Variants in FOXN3 observed in about 807,000 individuals in gnomAD.
FOXN3 encodes forkhead box protein N3.
FOXN3 carries 7 observed loss-of-function variants against 38.4 expected under a neutral mutation model. The ratio of observed to expected loss-of-function variants is 0.18; its 90% confidence interval spans 0.10 to 0.34. The LOEUF (loss-of-function observed/expected upper bound fraction) is 0.34. Among genes scored for constraint, FOXN3 ranks in the 10% least tolerant of loss-of-function variants. The pLI is 1.00. For missense variants in FOXN3, 456 were observed against 613.4 expected, an observed-to-expected ratio of 0.74 and a Z score of 2.71; for synonymous variants, 230 against 242.2, an observed-to-expected ratio of 0.95 and a Z score of 0.47.
chr14:89,592,613 T>C (rs1895980682), intron 1 of FOXN3, among the ~76,000 whole-genome samples: 1 of 152,212 alleles, frequency 6.6e-6, no homozygotes, highest in South Asian at 2.1e-4. Flanking sequence ...AAACTTATTT[T>C]CAACCTATAA....
intron 4 of FOXN3, among the ~76,000 whole-genome samples, chr14:89,264,313 A>G (rs759610008): frequency 3.9e-5 from 6 of 152,208 alleles, no homozygotes; most frequent in Non-Finnish European, 7.3e-5. Flanking sequence ...GACACATCTT[A>G]CATGGCAGCA....
chr14:89,573,197 C>T lies in FOXN3; in HGVS notation c.-15+45831G>A, dbSNP rs1256657053. On this transcript the variant is annotated intron_variant, in intron 1 of 6. Transcript: ENST00000345097. Reference sequence around the variant, plus strand: ...ATCCAGCCCCGATTAGATCAGCCGCCGTGGGAAAGGTGCTGAGCCAGAGAT... The same window carrying T: ...ATCCAGCCCCGATTAGATCAGCCGCTGTGGGAAAGGTGCTGAGCCAGAGAT... 7.2e-5 allele frequency among the ~76,000 whole-genome samples: 11 copies of T among 152,244 alleles called. No homozygotes were observed. In the East Asian group the frequency reaches 1.3e-3, roughly 19 times the overall value.
At chr14:89,251,277 C>T (rs1000706455) in intron 4 of FOXN3, among the ~76,000 whole-genome samples, 4 of 152,136 alleles carry the variant, frequency 2.6e-5, no homozygotes, top group African/African-American at 7.2e-5. Context: ...AGTACTGTCC[C>T]GGAATTCACC....
intron 3 of FOXN3, among the ~76,000 whole-genome samples, chr14:89,296,134 A>G (rs576126077): frequency 6.6e-6 from 1 of 152,166 alleles, no homozygotes; most frequent in Admixed American, 6.5e-5. Flanking sequence ...ATACATGCAT[A>G]TTTTTTATAA....
intron 5 of FOXN3, among the ~76,000 whole-genome samples, chr14:89,168,777 G>A (rs957227647): frequency 1.3e-5 from 2 of 152,008 alleles, no homozygotes; most frequent in Non-Finnish European, 2.9e-5. Context: ...CGTCCCATGC[G>A]GGATAAAAAA....
intron 3 of FOXN3, among the ~76,000 whole-genome samples, chr14:89,309,501 G>A (rs1887469750): frequency 6.6e-6 from 1 of 152,172 alleles, no homozygotes; most frequent in Non-Finnish European, 1.5e-5. Flanking sequence ...AAAAGTCTGT[G>A]CTTTAAGCAA....
intron 4 of FOXN3, among the ~76,000 whole-genome samples, chr14:89,233,332 T>C (rs188604624): frequency 9.1e-4 from 138 of 152,262 alleles, no homozygotes; most frequent in African/African-American, 3.1e-3. Context: ...AGGCAAAAAG[T>C]GGTAACTTGG....
intron 1 of FOXN3, among the ~76,000 whole-genome samples, chr14:89,618,847 T>C (rs1896543108): frequency 6.6e-6 from 1 of 152,010 alleles, no homozygotes; most frequent in Non-Finnish European, 1.5e-5. Context: ...TGGCTGGATC[T>C]TTCCCATTTG....
intron 1 of FOXN3, among the ~76,000 whole-genome samples, chr14:89,456,410 G>A (rs1892727473): frequency 6.6e-6 from 1 of 152,124 alleles, no homozygotes; most frequent in East Asian, 1.9e-4. Context: ...CTCCAGCAAT[G>A]AGAACAATGC....
At chr14:89,533,526 G>A (rs1458435862) in intron 1 of FOXN3, among the ~76,000 whole-genome samples, 1 of 152,116 alleles carries the variant, frequency 6.6e-6, no homozygotes, top group African/African-American at 2.4e-5. Flanking sequence ...AGCCGGGCAT[G>A]GTGGCGGGGG....
At chr14:89,395,053 G>A (rs1342459505) in intron 2 of FOXN3, among the ~76,000 whole-genome samples, 4 of 152,158 alleles carry the variant, frequency 2.6e-5, no homozygotes, top group Non-Finnish European at 5.9e-5. Context: ...TGGAAATCAC[G>A]CGTTCATGTG....
At chr14:89,293,018 T>C (rs1348446285) in intron 3 of FOXN3, among the ~76,000 whole-genome samples, 1 of 152,216 alleles carries the variant, frequency 6.6e-6, no homozygotes, top group African/African-American at 2.4e-5. Context: ...TAGCTCTCTG[T>C]CCATGCTCGG....
intron 1 of FOXN3, among the ~76,000 whole-genome samples, chr14:89,596,802 C>T (rs1383957544): frequency 6.6e-6 from 1 of 152,030 alleles, no homozygotes; most frequent in African/African-American, 2.4e-5. Context: ...AAATATATTG[C>T]CATAAAGTTT....
intron 4 of FOXN3, among the ~76,000 whole-genome samples, chr14:89,275,352 C>G (rs183676524): frequency 6.6e-6 from 1 of 152,324 alleles, no homozygotes; most frequent in Admixed American, 6.5e-5. Flanking sequence ...AAAATCCATT[C>G]TGACCTATTT....
At chr14:89,423,526 G>A (rs954109778) in intron 1 of FOXN3, among the ~76,000 whole-genome samples, 9 of 152,074 alleles carry the variant, frequency 5.9e-5, no homozygotes, top group Non-Finnish European at 1.2e-4. Context: ...TGGACATGCA[G>A]ATGAAAACAG....
intron 1 of FOXN3, among the ~76,000 whole-genome samples, chr14:89,502,806 G>A (rs1893830104): frequency 6.6e-6 from 1 of 152,152 alleles, no homozygotes; most frequent in Non-Finnish European, 1.5e-5. Context: ...TTAGGGAAAG[G>A]GCTCCTGGGC....
rs1425142074 is a variant in FOXN3 at position 89,158,392 on chromosome 14, T to G, written c.*4022A>C. The G allele has an allele frequency of 1.3e-5, 2 of 152,468 alleles. No individual in the cohort carries two copies. The highest frequency in any genetic ancestry group is 2.9e-5 in the Non-Finnish European group (2 of 68,044). The allele number at this position is 152,468 out of a possible 1,614,324, so 9.4% of individuals were successfully genotyped here. A position where few individuals can be genotyped will look rare whatever the true frequency, so the allele number is the denominator to read the frequency against. Reference sequence around the variant, plus strand: ...AAGCACTAGACACATTGAATGCCTCTGCAAAACAAAAGAAAACTCTGTTCT... The same window carrying G: ...AAGCACTAGACACATTGAATGCCTCGGCAAAACAAAAGAAAACTCTGTTCT... On this transcript the variant is annotated 3_prime_UTR_variant, in exon 6 of 6. Transcript: ENST00000557258.
chr14:89,306,550 G>A (rs1887383167), intron 3 of FOXN3, among the ~76,000 whole-genome samples: 1 of 151,936 alleles, frequency 6.6e-6, no homozygotes, highest in Non-Finnish European at 1.5e-5. Context: ...TGTATTTTTA[G>A]TAGAGACGGG....
At chr14:89,533,438 C>T (rs1894615576) in intron 1 of FOXN3, among the ~76,000 whole-genome samples, 1 of 152,052 alleles carries the variant, frequency 6.6e-6, no homozygotes, top group Non-Finnish European at 1.5e-5. Flanking sequence ...CCCAGGCGGG[C>T]GGATCACGAA....
Sources: allele counts gnomAD v4.1 joint callset (sites outside exome capture counted in the v4.1 genomes callset), GRCh38; gene constraint gnomAD v4.1.1; transcripts MANE v1.5; gene names NCBI Gene and HGNC (gene_info 2026-07-23, HGNC 2026-07-21).